Variants in SLC34A2 observed in about 807,000 individuals in gnomAD.
SLC34A2 encodes the protein solute carrier family 34 member 2.
In SLC34A2, 41 loss-of-function variants were observed where a neutral mutation model predicts 50.8. The observed-to-expected ratio is 0.81, with a 90% confidence interval of 0.63 to 1.05. The LOEUF is 1.05. Ranked by LOEUF, SLC34A2 falls within the 50% of genes least tolerant of loss-of-function variation. The pLI is 0.00. For missense variants in SLC34A2, 879 were observed against 876.7 expected, an observed-to-expected ratio of 1.00 and a Z score of -0.03; for synonymous variants, 401 against 364.2, an observed-to-expected ratio of 1.10 and a Z score of -1.15.
rs1319400255 is a variant in SLC34A2 at position 25,671,741 on chromosome 4, T to C, written c.1048+20T>C. On this transcript the variant is annotated intron_variant, in intron 9 of 12. Transcript: ENST00000382051. ...CCAAATGTGAGTGGAGCTCAGTGGA[T>C]TGGCCACTATGACAGGTGTTGTCTG... 2.5e-6 allele frequency: 4 copies of C among 1,614,142 alleles called. No individual in the cohort carries two copies. Among genetic ancestry groups the C allele is most frequent in the African/African-American group, 1.3e-5 (1 of 75,042 alleles).
chr4:25,662,982 C>CT (rs34583336), intron 3 of SLC34A2, 140 bp downstream of exon 3: 32,886 of 729,970 alleles, frequency 0.045, no homozygotes, highest in Middle Eastern at 0.052. Context: ...ACCCTCTCAT[C>CT]TTTTTTTTTT....
At chr4:25,663,082 A>T (rs952708615) in intron 3 of SLC34A2, among the ~76,000 whole-genome samples, 2 of 151,706 alleles carry the variant, frequency 1.3e-5, no homozygotes, top group African/African-American at 4.9e-5. Flanking sequence ...TCAAGCAGTT[A>T]TCCTGCCTCA....
intron 9 of SLC34A2, 23 bp downstream of exon 9, chr4:25,671,744 G>T: frequency 6.2e-7 from 1 of 1,614,116 alleles, no homozygotes; most frequent in Non-Finnish European, 8.5e-7. Flanking sequence ...CAGTGGATTG[G>T]CCACTATGAC....
intron 10 of SLC34A2, among the ~76,000 whole-genome samples, chr4:25,673,812 G>T (rs562790573): frequency 2.0e-5 from 3 of 152,282 alleles, no homozygotes; most frequent in African/African-American, 7.2e-5. Flanking sequence ...ATTGTCTTGG[G>T]GAACAGAGCA....
chr4:25,657,142 C>T (rs1713926451), intron 1 of SLC34A2, among the ~76,000 whole-genome samples: 1 of 152,222 alleles, frequency 6.6e-6, no homozygotes, highest in African/African-American at 2.4e-5. Context: ...TCCAAAACTC[C>T]CCAAATTGCT....
rs1301496855 is a variant in SLC34A2 at position 25,671,151 on chromosome 4, TG to T, written c.927+320del. On this transcript the variant is annotated intron_variant, in intron 8 of 12. Coordinates refer to ENST00000382051, the MANE Select transcript of SLC34A2 (RefSeq NM_006424.3). ...CTGTTCTCATTTTTGGAGAGACTTG[TG>T]GAAGTAGTCCAGCACGCCCTACGGG... Among the ~76,000 whole-genome samples the T allele has an allele frequency of 2.0e-5, 3 of 152,314 alleles. No individual in the cohort carries two copies. In the East Asian group the frequency reaches 5.8e-4, roughly 29 times the overall value.
chr4:25,670,165 G>A (rs547044972), intron 7 of SLC34A2, among the ~76,000 whole-genome samples: 2 of 152,338 alleles, frequency 1.3e-5, no homozygotes, highest in South Asian at 4.1e-4. Flanking sequence ...CAAGGCTGCA[G>A]TGAGCTGAGA....
In SLC34A2 at chr4:25,674,543, A is replaced by G. The variant is rs200499595; in HGVS notation, c.1372A>G (p.Thr458Ala). The G allele has an allele frequency of 3.1e-6, 5 of 1,614,204 alleles. No homozygotes were observed. In the East Asian group the frequency reaches 1.1e-4, roughly 36 times the overall value. The change falls in exon 12 of 13, where the codon ACG (threonine) becomes GCG (alanine). Residue 458 changes from threonine to alanine, a missense_variant. Coordinates refer to ENST00000382051, the MANE Select transcript of SLC34A2 (RefSeq NM_006424.3). The part of the protein sequence containing the change: ...VITIERAYPL[T>A]LGSNIGTTTT... ...AACCATTGAGAGGGCTTATCCACTC[A>G]CGCTGGGCTCCAACATCGGCACCAC...
chr4:25,673,085 AG>A lies in SLC34A2; in HGVS notation c.1049del. On this transcript the variant is annotated splice_acceptor_variant, in intron 9 of 12. Coordinates refer to ENST00000382051, the MANE Select transcript of SLC34A2 (RefSeq NM_006424.3). LOFTEE classifies it high-confidence loss of function. ...CTGACAAGATTCTTTGTGGTCTTTCAGGCCAGCATATCTTTGTGAATTTCCA... is the reference window on the plus strand; with the variant it reads ...CTGACAAGATTCTTTGTGGTCTTTCAGCCAGCATATCTTTGTGAATTTCCA... 2 of 1,614,140 alleles carry A rather than the reference AG, an allele frequency of 1.2e-6. No individual in the cohort carries two copies. Among genetic ancestry groups the A allele is most frequent in the Non-Finnish European group, 1.7e-6 (2 of 1,180,012 alleles).
At chr4:25,673,325 C>T (rs1425609878) in intron 10 of SLC34A2, 71 bp downstream of exon 10, 10 of 1,422,812 alleles carry the variant, frequency 7.0e-6, no homozygotes, top group Admixed American at 1.7e-5. Flanking sequence ...CCTTTAGATT[C>T]CCATCTAGCA....
chr4:25,676,808 C>T lies in SLC34A2; in HGVS notation c.*59C>T. 1 of 1,609,984 alleles carries T rather than the reference C, an allele frequency of 6.2e-7. No homozygotes were observed. The highest frequency in any genetic ancestry group is 8.5e-7 in the Non-Finnish European group (1 of 1,177,876). ...GTCCTTGAGTTTTGCATGCTCTCCT[C>T]CCTCCCACTTCTGCACCCTTTCACC... On this transcript the variant is annotated 3_prime_UTR_variant, in exon 13 of 13. Coordinates refer to ENST00000382051, the MANE Select transcript of SLC34A2 (RefSeq NM_006424.3).
At chr4:25,671,851 A>G in intron 9 of SLC34A2, 130 bp downstream of exon 9, 2 of 1,255,314 alleles carry the variant, frequency 1.6e-6, no homozygotes, top group South Asian at 1.2e-5. Flanking sequence ...TACATCAAGC[A>G]GTGAGCAACA....
chr4:25,677,146 ACT>A lies in SLC34A2; in HGVS notation c.*402_*403del, dbSNP rs1193586752. 3 of 209,618 alleles carry A rather than the reference ACT, an allele frequency of 1.4e-5. No individual in the cohort carries two copies. Among genetic ancestry groups the A allele is most frequent in the African/African-American group, 6.8e-5 (3 of 44,146 alleles). The allele number at this position is 209,618 out of a possible 1,614,324, so 13.0% of individuals were successfully genotyped here. A position where few individuals can be genotyped will look rare whatever the true frequency, so the allele number is the denominator to read the frequency against. ...GAGGCTCTCCCAGATGAGGAAGTGT[ACT>A]CTCTATGACTATCAAGCTCAGGCCT... On this transcript the variant is annotated 3_prime_UTR_variant, in exon 13 of 13. Transcript: ENST00000382051.
At chr4:25,660,432 T>C (rs1375906488) in intron 1 of SLC34A2, among the ~76,000 whole-genome samples, 1 of 152,258 alleles carries the variant, frequency 6.6e-6, no homozygotes, top group Non-Finnish European at 1.5e-5. Flanking sequence ...TTGCTAACTT[T>C]TCCAGAGCTT....
intron 1 of SLC34A2, among the ~76,000 whole-genome samples, chr4:25,657,054 C>T (rs1012495606): frequency 1.4e-4 from 21 of 152,142 alleles, no homozygotes; most frequent in Non-Finnish European, 2.6e-4. Flanking sequence ...ATGATCTTCT[C>T]TGCTTTTGTA....
rs201425296 is a variant in SLC34A2, at chr4:25,673,301, T to G, written c.1216+47T>G. Reference sequence around the variant, plus strand: ...GTAGGCCTCACATGTAGTCACTGCATGGGGTGTGGGGGTCCTTTAGATTCC... The same window carrying G: ...GTAGGCCTCACATGTAGTCACTGCAGGGGGTGTGGGGGTCCTTTAGATTCC... On this transcript the variant is annotated intron_variant, in intron 10 of 12. Coordinates refer to ENST00000382051, the MANE Select transcript of SLC34A2 (RefSeq NM_006424.3). The G allele has an allele frequency of 3.1e-3, 2,511 of 805,574 alleles. 33 individuals are homozygous for G. In the African/African-American group the frequency reaches 0.062, roughly 20 times the overall value. 49.9% of individuals were successfully genotyped at this position (805,574 alleles called of 1,614,324 possible).
intron 4 of SLC34A2, among the ~76,000 whole-genome samples, chr4:25,665,352 A>C (rs947321981): frequency 6.6e-6 from 1 of 151,818 alleles, no homozygotes; most frequent in African/African-American, 2.4e-5. Context: ...TTTTTAGTAG[A>C]GACGGGGTTT....
rs1384719382 is a variant in SLC34A2, at chr4:25,666,158, G to C, written c.410G>C (p.Ser137Thr). ...ATGGCAGGACAGTTCTTCAGCAACA[G>C]CTCTATTATGTCCAACCCTTTGTTG... ...GKMAGQFFSN[S>T]SIMSNPLLGL... Residue 137 changes from serine (S) to threonine (T), a missense_variant, in exon 5 of 13, where the codon AGC (serine) becomes ACC (threonine). Coordinates refer to ENST00000382051, the MANE Select transcript of SLC34A2 (RefSeq NM_006424.3). The C allele has an allele frequency of 6.2e-6, 10 of 1,613,934 alleles. No individual in the cohort carries two copies. Among genetic ancestry groups the C allele is most frequent in the Non-Finnish European group, 8.5e-6 (10 of 1,180,044 alleles).
intron 1 of SLC34A2, among the ~76,000 whole-genome samples, chr4:25,658,579 G>A (rs1271304979): frequency 2.0e-5 from 3 of 152,220 alleles, no homozygotes; most frequent in African/African-American, 7.2e-5. Flanking sequence ...CTTCAAGAAA[G>A]AATAAGAGCT....
Sources: allele counts gnomAD v4.1 joint callset (sites outside exome capture counted in the v4.1 genomes callset), GRCh38; gene constraint gnomAD v4.1.1; transcripts MANE v1.5; gene names NCBI Gene and HGNC (gene_info 2026-07-23, HGNC 2026-07-21).